The following ANXA11 variants were observed in gnomAD, a reference collection of about 807,000 sequenced individuals.
ANXA11 encodes annexin A11.
Under a neutral mutation model 64.7 loss-of-function variants are expected in ANXA11, and 57 were observed. The ratio of observed to expected loss-of-function variants is 0.88; its 90% CI spans 0.71 to 1.10. The LOEUF is 1.10. Among genes scored for constraint, ANXA11 ranks in the 50% least tolerant of loss-of-function variants. The pLI is 0.00. For synonymous variants in ANXA11, 260 were observed against 265.2 expected (o/e 0.98, Z 0.19); for missense variants, 675 against 670.7 (o/e 1.01, Z -0.07).
At chr10:80,172,730 T>G (rs1846026757) in intron 3 of ANXA11, 77 bp downstream of exon 3, 2 of 1,429,718 alleles carry the variant, frequency 1.4e-6, no homozygotes, top group East Asian at 2.3e-5. Flanking sequence ...GTGAGGAAAC[T>G]ACTGTTCTCC....
rs2229555 is a variant in ANXA11 at position 80,155,728 on chromosome 10, G to C, written c.*125C>G. On this transcript the variant is annotated 3_prime_UTR_variant, in exon 16 of 16. Coordinates refer to ENST00000422982, the MANE Select transcript of ANXA11 (RefSeq NM_145868.2). ...ACGGGTCAGGAGGGGTGGAAGACAGGCCTAAGCTCTAGGACGGTGAATCTC... is the reference window on the plus strand; with the variant it reads ...ACGGGTCAGGAGGGGTGGAAGACAGCCCTAAGCTCTAGGACGGTGAATCTC... The C allele has an allele frequency of 1.0e-6, 1 of 971,220 alleles. No individual in the cohort carries two copies. The highest frequency in any genetic ancestry group is 1.6e-6 in the Non-Finnish European group (1 of 614,952). 60.2% of individuals were successfully genotyped at this position (971,220 alleles called of 1,614,324 possible).
intron 1 of ANXA11, among the ~76,000 whole-genome samples, chr10:80,187,545 GCACACACACA>G (rs773152656): frequency 2.9e-4 from 44 of 150,626 alleles, no homozygotes; most frequent in African/African-American, 1.0e-3. Flanking sequence ...GTGCGCGCGT[GCACACACACA>G]CACACACACA....
chr10:80,153,584 T>C lies in ANXA11; in HGVS notation c.*2269A>G, dbSNP rs1002531239. On this transcript the variant is annotated 3_prime_UTR_variant, in exon 16 of 16. Coordinates refer to ENST00000422982, the MANE Select transcript of ANXA11 (RefSeq NM_145868.2). Reference sequence around the variant, plus strand: ...GGGTCACCTTGAGTTCATGGCAAGTTGTATATGCCAAGCACCCCATCCCAT... The same window carrying C: ...GGGTCACCTTGAGTTCATGGCAAGTCGTATATGCCAAGCACCCCATCCCAT... The C allele has an allele frequency of 6.6e-6, 1 of 152,210 alleles. No individual in the cohort carries two copies. The highest frequency in any genetic ancestry group is 1.5e-5 in the Non-Finnish European group (1 of 68,072). The allele number at this position is 152,210 out of a possible 1,614,324, so 9.4% of individuals were successfully genotyped here.
chr10:80,155,802 C>T lies in ANXA11; in HGVS notation c.*51G>A, dbSNP rs1406487672. 1.3e-6 allele frequency: 2 copies of T among 1,549,316 alleles called. No homozygotes were observed. Among genetic ancestry groups the T allele is most frequent in the Middle Eastern group, 1.7e-4 (1 of 5,954 alleles). On this transcript the variant is annotated 3_prime_UTR_variant, in exon 16 of 16. Coordinates refer to ENST00000422982, the MANE Select transcript of ANXA11 (RefSeq NM_145868.2). ...AAACAGACATTCTTTTGGCCTTTTC[C>T]TGGCACTGGTGTTGCCGGCAGGTGG...
intron 1 of ANXA11, among the ~76,000 whole-genome samples, chr10:80,199,095 C>CTG (rs1840302861): frequency 7.5e-6 from 1 of 133,510 alleles, no homozygotes; most frequent in African/African-American, 2.9e-5. Context: ...TCAAGATAAA[C>CTG]TTTTTTTTTT....
At chr10:80,166,058 A>C in intron 8 of ANXA11, 26 bp downstream of exon 8, 1 of 1,276,896 alleles carries the variant, frequency 7.8e-7, no homozygotes, top group South Asian at 1.2e-5. Context: ...ACACACACAC[A>C]CACACACACA....
At chr10:80,162,812 C>T (rs1845568079) in intron 11 of ANXA11, among the ~76,000 whole-genome samples, 1 of 152,222 alleles carries the variant, frequency 6.6e-6, no homozygotes, top group Non-Finnish European at 1.5e-5. Flanking sequence ...TCTGCCCTGC[C>T]ATAATACTAC....
At chr10:80,196,563 T>C (rs1466080671) in intron 1 of ANXA11, among the ~76,000 whole-genome samples, 2 of 152,122 alleles carry the variant, frequency 1.3e-5, no homozygotes, top group East Asian at 3.9e-4. Flanking sequence ...TTAAGTGATG[T>C]GAGTGGGAGT....
At chr10:80,188,412 T>TCCTTTCC (rs1554834944) in intron 1 of ANXA11, among the ~76,000 whole-genome samples, 17 of 148,568 alleles carry the variant, frequency 1.1e-4, no homozygotes, top group African/African-American at 3.2e-4. Context: ...TGAGCCTTTC[T>TCCTTTCC]CCTCACCTGT....
intron 7 of ANXA11, 58 bp from the exon 8 acceptor site, chr10:80,166,255 T>A: frequency 9.1e-7 from 1 of 1,099,068 alleles, no homozygotes; most frequent in Non-Finnish European, 1.4e-6. Context: ...ATTTAAAAAA[T>A]CCACAGGAAG....
At chr10:80,168,939 G>T in intron 5 of ANXA11, 30 bp downstream of exon 5, 2 of 1,497,342 alleles carry the variant, frequency 1.3e-6, no homozygotes, top group South Asian at 2.8e-5. Flanking sequence ...CCCAGGCCTG[G>T]ACCAAGGGAG....
intron 12 of ANXA11, among the ~76,000 whole-genome samples, chr10:80,161,361 CCCT>C (rs2132375834): frequency 6.6e-6 from 1 of 152,352 alleles, no homozygotes; most frequent in Admixed American, 6.5e-5. Context: ...TCCCGGTGGA[CCCT>C]ACCATCACTC....
chr10:80,204,386 G>C (rs117650749), intron 1 of ANXA11, among the ~76,000 whole-genome samples: 2,143 of 152,356 alleles, frequency 0.014, 17 homozygotes, highest in Non-Finnish European at 0.023. Context: ...GAGCATACCA[G>C]GCCCTGCCCT....
chr10:80,155,972 G>A (rs958492281), intron 15 of ANXA11, 60 bp from the exon 16 acceptor site: 1 of 1,549,858 alleles, frequency 6.5e-7, no homozygotes, highest in Non-Finnish European at 8.9e-7. Flanking sequence ...TCAGCCTTCT[G>A]GGTCCTGATA....
At position 80,153,682 on chromosome 10, in the gene ANXA11, G is replaced by A. The variant is rs1409871130; in HGVS notation, c.*2171C>T. ...GAGGAGTTCTTGGGAGAGCAGCAGG[G>A]ATGGGGCTTCAGCTTGGGCTTGAGG... On this transcript the variant is annotated 3_prime_UTR_variant, in exon 16 of 16. Transcript: ENST00000422982. 6.6e-6 allele frequency: 1 copy of A among 152,386 alleles called. No homozygotes were observed. The highest frequency in any genetic ancestry group is 2.4e-5 in the African/African-American group (1 of 41,470). The allele number at this position is 152,386 out of a possible 1,614,324, so 9.4% of individuals were successfully genotyped here.
At chr10:80,196,346 C>T (rs1840169072) in intron 1 of ANXA11, among the ~76,000 whole-genome samples, 1 of 152,202 alleles carries the variant, frequency 6.6e-6, no homozygotes, top group South Asian at 2.1e-4. Flanking sequence ...TCCTGTCCCC[C>T]ACCACCACCT....
chr10:80,176,630 GT>G (rs142928671), intron 1 of ANXA11, among the ~76,000 whole-genome samples: 7,906 of 152,316 alleles, frequency 0.052, 282 homozygotes, highest in Non-Finnish European at 0.082. Flanking sequence ...GGCCCCCAAA[GT>G]CCTGGCTGGT....
intron 13 of ANXA11, among the ~76,000 whole-genome samples, chr10:80,158,701 T>A (rs148957258): frequency 6.7e-4 from 102 of 152,320 alleles, no homozygotes; most frequent in African/African-American, 2.2e-3. Flanking sequence ...TGGGCCTGTT[T>A]CGCTGCTGCA....
At chr10:80,187,884 C>G (rs530335111) in intron 1 of ANXA11, among the ~76,000 whole-genome samples, 8 of 152,266 alleles carry the variant, frequency 5.3e-5, no homozygotes, top group Admixed American at 5.2e-4. Flanking sequence ...CCCAGCTTCT[C>G]CCAGATCTCC....
Sources: allele counts gnomAD v4.1 joint callset (sites outside exome capture counted in the v4.1 genomes callset), GRCh38; gene constraint gnomAD v4.1.1; transcripts MANE v1.5; gene names NCBI Gene and HGNC (gene_info 2026-07-23, HGNC 2026-07-21).